The following TRAPPC12 variants were observed in gnomAD, a reference collection of about 807,000 sequenced individuals.
TRAPPC12 encodes trafficking protein particle complex subunit 12.
Under a neutral mutation model 69.2 loss-of-function variants are expected in TRAPPC12, and 61 were observed. The observed-to-expected ratio is 0.88, with a 90% CI of 0.72 to 1.09. The LOEUF (loss-of-function observed/expected upper bound fraction) is 1.09. Among genes scored for constraint, TRAPPC12 ranks in the 50% least tolerant of loss-of-function variants. TRAPPC12 has a pLI of 0.00. For synonymous variants in TRAPPC12, 469 were observed against 438.9 expected (o/e 1.07, Z -0.86); for missense variants, 1,101 against 1,016.4 (o/e 1.08, Z -1.13).
intron 1 of TRAPPC12, among the ~76,000 whole-genome samples, chr2:3,380,920 C>T (rs577575230): frequency 9.2e-5 from 14 of 152,296 alleles, no homozygotes; most frequent in African/African-American, 3.4e-4. Flanking sequence ...GGTTACTTCA[C>T]TTGGTCGGGA....
chr2:3,477,547 TA>T, intron 9 of TRAPPC12, 147 bp from the exon 10 acceptor site: 1 of 496,164 alleles, frequency 2.0e-6, no homozygotes. Context: ...GCCTTTTTAT[TA>T]AAAAATGATT....
At chr2:3,434,853 A>G (rs945627187) in intron 5 of TRAPPC12, among the ~76,000 whole-genome samples, 1 of 152,200 alleles carries the variant, frequency 6.6e-6, no homozygotes, top group Non-Finnish European at 1.5e-5. Context: ...TGCCACCATA[A>G]TGAGGACACA....
At chr2:3,383,698 C>G (rs1660339303) in intron 1 of TRAPPC12, among the ~76,000 whole-genome samples, 1 of 151,938 alleles carries the variant, frequency 6.6e-6, no homozygotes, top group South Asian at 2.1e-4. Context: ...AGCCACCGCA[C>G]CCGGCCTTCA....
At chr2:3,393,250 A>AGACACAAAAT (rs1210756626) in intron 2 of TRAPPC12, among the ~76,000 whole-genome samples, 2 of 152,128 alleles carry the variant, frequency 1.3e-5, no homozygotes, top group Non-Finnish European at 2.9e-5. Flanking sequence ...GAAATAAGCC[A>AGACACAAAAT]GACACAAAAT....
chr2:3,461,332 C>T (rs1425966851), intron 8 of TRAPPC12, among the ~76,000 whole-genome samples: 2 of 152,208 alleles, frequency 1.3e-5, no homozygotes, highest in Admixed American at 6.5e-5. Flanking sequence ...ATCAGGAAGA[C>T]GTGCAGCCCG....
intron 5 of TRAPPC12, among the ~76,000 whole-genome samples, chr2:3,430,716 T>C (rs946467998): frequency 2.6e-5 from 4 of 152,278 alleles, no homozygotes; most frequent in Non-Finnish European, 5.9e-5. Context: ...TAGGAGTATC[T>C]TCTTTATTCC....
chr2:3,439,651 T>G (rs921397112), intron 5 of TRAPPC12, among the ~76,000 whole-genome samples: 2 of 152,222 alleles, frequency 1.3e-5, no homozygotes, highest in Non-Finnish European at 2.9e-5. Context: ...TCTTCATTAC[T>G]TTAATACTAC....
intron 3 of TRAPPC12, among the ~76,000 whole-genome samples, chr2:3,419,788 A>G (rs1010943086): frequency 2.0e-5 from 3 of 152,240 alleles, no homozygotes; most frequent in Non-Finnish European, 4.4e-5. Context: ...GAAAAACTCC[A>G]TGAGAGAACG....
At chr2:3,404,137 G>A (rs562114833) in intron 3 of TRAPPC12, among the ~76,000 whole-genome samples, 1 of 152,108 alleles carries the variant, frequency 6.6e-6, no homozygotes, top group African/African-American at 2.4e-5. Context: ...CCTGGCTCCC[G>A]GCTGTGATGA....
chr2:3,471,926 T>C (rs1174752065), intron 9 of TRAPPC12, among the ~76,000 whole-genome samples: 2 of 152,000 alleles, frequency 1.3e-5, no homozygotes, highest in African/African-American at 4.8e-5. Context: ...GTGCTTGGCA[T>C]TGGGGCAGCT....
intron 9 of TRAPPC12, chr2:3,466,399 C>T: frequency 2.1e-6 from 1 of 471,150 alleles, no homozygotes; most frequent in Middle Eastern, 3.3e-4. Context: ...TCACGGTGAG[C>T]CAGGCCCTGC....
At chr2:3,410,552 C>T (rs1220574180) in intron 3 of TRAPPC12, among the ~76,000 whole-genome samples, 1 of 152,110 alleles carries the variant, frequency 6.6e-6, no homozygotes, top group Non-Finnish European at 1.5e-5. Flanking sequence ...AATTTTATTA[C>T]ACATGTAAAT....
At chr2:3,453,906 A>G (rs1382929410) in intron 6 of TRAPPC12, among the ~76,000 whole-genome samples, 1 of 152,244 alleles carries the variant, frequency 6.6e-6, no homozygotes, top group Non-Finnish European at 1.5e-5. Context: ...GTCTCTAGAT[A>G]GACAGCAATA....
At chr2:3,432,353 C>T (rs1572150793) in intron 5 of TRAPPC12, among the ~76,000 whole-genome samples, 2 of 152,212 alleles carry the variant, frequency 1.3e-5, no homozygotes, top group South Asian at 2.1e-4. Context: ...CTGTCTGCTC[C>T]TCTATGTGCA....
intron 6 of TRAPPC12, among the ~76,000 whole-genome samples, chr2:3,452,822 G>A (rs1247572138): frequency 6.6e-6 from 1 of 152,212 alleles, no homozygotes; most frequent in East Asian, 1.9e-4. Context: ...AGAAACCACA[G>A]GGAAAATCCG....
chr2:3,458,407 C>A, intron 7 of TRAPPC12: 1 of 985,916 alleles, frequency 1.0e-6, no homozygotes, highest in Non-Finnish European at 1.2e-6. Context: ...CCCACAGCTT[C>A]TGTCCTACTC....
At position 3,388,687 on chromosome 2, in the gene TRAPPC12, C is replaced by A; in HGVS notation, c.1047+17C>A. The A allele has an allele frequency of 6.6e-7, 1 of 1,520,044 alleles. No individual in the cohort carries two copies. Among genetic ancestry groups the A allele is most frequent in the Non-Finnish European group, 8.9e-7 (1 of 1,129,700 alleles). 94.2% of individuals were successfully genotyped at this position (1,520,044 alleles called of 1,614,324 possible). On this transcript the variant is annotated intron_variant, in intron 2 of 11. Transcript: ENST00000324266. Reference sequence around the variant, plus strand: ...AACATCCAGGTGAGCCCGGGTCTCCCACCTCCGCAGCCCGTGCCTCCTCTC... The same window carrying A: ...AACATCCAGGTGAGCCCGGGTCTCCAACCTCCGCAGCCCGTGCCTCCTCTC...
At chr2:3,477,132 G>A (rs1377220673) in intron 9 of TRAPPC12, among the ~76,000 whole-genome samples, 1 of 152,212 alleles carries the variant, frequency 6.6e-6, no homozygotes, top group Non-Finnish European at 1.5e-5. Flanking sequence ...TCTGCCACAG[G>A]CCTGCTGCAT....
chr2:3,396,674 A>G (rs535792099), intron 2 of TRAPPC12, among the ~76,000 whole-genome samples: 11 of 151,984 alleles, frequency 7.2e-5, no homozygotes, highest in East Asian at 5.8e-4. Flanking sequence ...TAGAATTTCT[A>G]CTGCTGTCCT....
Sources: gnomAD v4.1 joint callset for allele counts (sites outside exome capture counted in the v4.1 genomes callset) on GRCh38, gnomAD v4.1.1 for gene constraint, MANE v1.5 for transcripts, NCBI Gene and HGNC (gene_info 2026-07-23, HGNC 2026-07-21) for gene names.